Variants in SLC23A2 observed in about 807,000 individuals in gnomAD.
SLC23A2 encodes solute carrier family 23 member 2.
SLC23A2 carries 36 observed loss-of-function variants against 73.3 expected under a neutral mutation model. The ratio of observed to expected loss-of-function variants is 0.49; its 90% CI spans 0.38 to 0.65. SLC23A2 has a LOEUF of 0.65. Among genes scored for constraint, SLC23A2 ranks in the 30% least tolerant of loss-of-function variants. The pLI, the probability that SLC23A2 is intolerant of heterozygous loss-of-function variation, is 0.00. For synonymous variants in SLC23A2, 343 were observed against 327.3 expected (o/e 1.05, Z -0.52); for missense variants, 507 against 841.6 (o/e 0.60, Z 4.92).
chr20:4,936,392 A>C (rs1344063495), intron 2 of SLC23A2, among the ~76,000 whole-genome samples: 1 of 152,198 alleles, frequency 6.6e-6, no homozygotes, highest in Non-Finnish European at 1.5e-5. Context: ...TTTGTCCCAC[A>C]TCTAGCATGT....
intron 1 of SLC23A2, among the ~76,000 whole-genome samples, chr20:4,980,572 C>T (rs2087710741): frequency 6.6e-6 from 1 of 150,902 alleles, no homozygotes; most frequent in South Asian, 2.1e-4. Flanking sequence ...CATTCTGTGG[C>T]CCAGGCTAGA....
intron 3 of SLC23A2, among the ~76,000 whole-genome samples, chr20:4,913,608 T>TTTGTTGTTG (rs72552235): frequency 6.6e-6 from 1 of 151,852 alleles, no homozygotes; most frequent in African/African-American, 2.4e-5. Context: ...TTTTTTAGGT[T>TTTGTTGTTG]TTGTTGTTGT....
intron 2 of SLC23A2, among the ~76,000 whole-genome samples, chr20:4,936,869 C>T (rs1164556051): frequency 1.3e-5 from 2 of 152,158 alleles, no homozygotes; most frequent in African/African-American, 4.8e-5. Context: ...ATCCTGAAGC[C>T]TTAGACCTGA....
In SLC23A2 at chr20:5,000,459, T is replaced by C. The variant is rs968527562; in HGVS notation, c.-282+947A>G. Among the ~76,000 whole-genome samples, 6 of 152,066 alleles carry C rather than the reference T, an allele frequency of 3.9e-5. No individual in the cohort carries two copies. In the East Asian group the frequency reaches 1.2e-3, roughly 29 times the overall value. On this transcript the variant is annotated intron_variant, in intron 1 of 16. Coordinates refer to ENST00000338244, the MANE Select transcript of SLC23A2 (RefSeq NM_005116.6). The stretch of plus-strand genomic sequence containing the variant: ...CCATGTCCTCGCACATCCCGGGGCC[T>C]TCTCTGCGCGCAGATGACCCAATTG...
upstream of SLC23A2, among the ~76,000 whole-genome samples, chr20:5,003,406 A>G (rs111420794): frequency 0.015 from 2,235 of 152,210 alleles, 49 homozygotes; most frequent in African/African-American, 0.051. Context: ...AAACAAAACA[A>G]AAACAACAAC....
intron 9 of SLC23A2, among the ~76,000 whole-genome samples, chr20:4,878,008 G>A (rs1398435054): frequency 6.6e-6 from 1 of 152,110 alleles, no homozygotes; most frequent in Non-Finnish European, 1.5e-5. Context: ...TAATAAATTG[G>A]GAGGATAAAC....
At chr20:4,908,858 T>C (rs1932047604) in intron 4 of SLC23A2, among the ~76,000 whole-genome samples, 2 of 152,170 alleles carry the variant, frequency 1.3e-5, no homozygotes, top group Admixed American at 1.3e-4. Context: ...TGCTTGAAAC[T>C]GGGGGGCGGA....
chr20:5,004,696 A>AAATT (rs2088170652), upstream of SLC23A2, among the ~76,000 whole-genome samples: 4 of 150,954 alleles, frequency 2.6e-5, no homozygotes, highest in Admixed American at 6.6e-5. Context: ...ATAAATAAAT[A>AAATT]AATTAATTAA....
At chr20:4,999,671 G>A (rs1600220518) in intron 1 of SLC23A2, among the ~76,000 whole-genome samples, 1 of 151,784 alleles carries the variant, frequency 6.6e-6, no homozygotes, top group African/African-American at 2.4e-5. Flanking sequence ...GGGATTACAG[G>A]TGTGAACCAC....
At chr20:4,975,075 C>T (rs2087622511) in intron 1 of SLC23A2, among the ~76,000 whole-genome samples, 2 of 152,288 alleles carry the variant, frequency 1.3e-5, no homozygotes, top group South Asian at 4.1e-4. Flanking sequence ...TGTGAGCCAC[C>T]GTGCCTGGCC....
chr20:4,862,752 GA>G lies in SLC23A2; in HGVS notation c.1486+25del. 1 of 1,592,966 alleles carries G rather than the reference GA, an allele frequency of 6.3e-7. No individual in the cohort carries two copies. The highest frequency in any genetic ancestry group is 8.6e-7 in the Non-Finnish European group (1 of 1,164,422). ...CTATTAAAAATTTGGAAAAGTAAAG[GA>G]AAAAGCCAGAGAGGGGAGTCTTACC... On this transcript the variant is annotated intron_variant, in intron 14 of 16. Transcript: ENST00000338244. The surrounding 1 kb of genome is among the most constrained non-coding windows in gnomAD (Gnocchi z 5.1).
chr20:4,917,700 C>T (rs1568623572), intron 3 of SLC23A2, among the ~76,000 whole-genome samples: 1 of 152,184 alleles, frequency 6.6e-6, no homozygotes, highest in Non-Finnish European at 1.5e-5. Flanking sequence ...GACCTCAGAG[C>T]CCAGCTTCCC....
rs1353323316 is a variant in SLC23A2 at position 4,902,299 on chromosome 20, C to T, written c.324+143G>A. ...GATTACAGGCATCAGCCACTGTGCT[C>T]AGCCCCTACTCATCACTCTTAAAAG... On this transcript the variant is annotated intron_variant, in intron 5 of 16. Transcript: ENST00000338244. This position sits in a 1 kb window ranked among gnomAD's most constrained non-coding sequence, Gnocchi z 4.0. The T allele has an allele frequency of 7.3e-6, 4 of 546,784 alleles. No homozygotes were observed. The East Asian group carries it at 1.3e-4, about 17-fold the overall frequency. The allele number at this position is 546,784 out of a possible 1,614,324, so 33.9% of individuals were successfully genotyped here. A position where few individuals can be genotyped will look rare whatever the true frequency, so the allele number is the denominator to read the frequency against.
chr20:4,911,673 C>T (rs1011451685), intron 4 of SLC23A2, among the ~76,000 whole-genome samples: 1 of 151,826 alleles, frequency 6.6e-6, no homozygotes, highest in Admixed American at 6.5e-5. Context: ...TAAATAAAAC[C>T]TGTGTTTAAA....
chr20:4,911,922 T>C (rs1279989368), intron 4 of SLC23A2, among the ~76,000 whole-genome samples: 1 of 152,064 alleles, frequency 6.6e-6, no homozygotes, highest in African/African-American at 2.4e-5. Context: ...TAGCTCACTG[T>C]AGCCTCAAAC....
intron 1 of SLC23A2, 54 bp downstream of exon 1, chr20:5,001,352 G>A (rs2088121864): frequency 6.8e-6 from 1 of 146,462 alleles, no homozygotes; most frequent in South Asian, 2.1e-4. Context: ...TCGCGGCCCC[G>A]CCGGCAGGTG....
chr20:4,950,201 T>C (rs975187016), intron 2 of SLC23A2, among the ~76,000 whole-genome samples: 2 of 152,214 alleles, frequency 1.3e-5, no homozygotes, highest in African/African-American at 2.4e-5. Flanking sequence ...GTCTCAAACC[T>C]GCACTAAGAA....
At position 4,969,733 on chromosome 20, in the gene SLC23A2, C is replaced by T. The variant is rs144642393; in HGVS notation, c.-155+1060G>A. ...CAGAGTAGCTGGGACTATAGGCGTG[C>T]ACCACCACATCCAGAAGCAGAGTAT... On this transcript the variant is annotated intron_variant, in intron 2 of 16. Transcript: ENST00000338244. Among the ~76,000 whole-genome samples the T allele has an allele frequency of 9.8e-3, 1,491 of 152,078 alleles. 13 individuals carry two copies. The highest frequency in any genetic ancestry group is 0.034 in the Middle Eastern group (10 of 294).
chr20:4,962,687 G>A (rs66814528), intron 2 of SLC23A2, among the ~76,000 whole-genome samples: 1,903 of 152,252 alleles, frequency 0.012, 55 homozygotes, highest in African/African-American at 0.044. Flanking sequence ...CATTCAAGGG[G>A]CATAAAGAAA....
Sources: allele counts gnomAD v4.1 joint callset (sites outside exome capture counted in the v4.1 genomes callset), GRCh38; gene constraint gnomAD v4.1.1; non-coding constraint Gnocchi (gnomAD v3.1); transcripts MANE v1.5; gene names NCBI Gene and HGNC (gene_info 2026-07-23, HGNC 2026-07-21).